FBXL2: variants seen among roughly 807,000 people sequenced by gnomAD.
FBXL2 encodes F-box/LRR-repeat protein 2.
In FBXL2, 38 loss-of-function variants were observed where a neutral mutation model predicts 69.2. The ratio of observed to expected loss-of-function variants is 0.55; its 90% CI spans 0.42 to 0.72. The LOEUF (loss-of-function observed/expected upper bound fraction) is 0.72. FBXL2 is among the 30% of genes least tolerant of loss of function. The pLI is 0.00. For missense variants in FBXL2, 354 were observed against 520.3 expected (o/e 0.68, Z 3.11); for synonymous variants, 192 against 201.3 (o/e 0.95, Z 0.39).
chr3:33,402,686 T>C (rs2044274096), intron 12 of FBXL2: 1 of 684,892 alleles, frequency 1.5e-6, no homozygotes, highest in African/African-American at 1.9e-5. Context: ...TACTTCCCCT[T>C]ACTGTTTCCT....
rs182547169 is a variant in FBXL2, at chr3:33,336,497, A to C, written c.66-22470A>C. On this transcript the variant is annotated intron_variant, in intron 2 of 14. Coordinates refer to ENST00000484457, the MANE Select transcript of FBXL2 (RefSeq NM_012157.5). ...TAAAACAGATTCTAGAAGAAAATAC[A>C]CAAGAATATCTTTATAATCTCAGGG... Among the ~76,000 whole-genome samples the C allele has an allele frequency of 2.6e-5, 4 of 152,354 alleles. No homozygotes were observed. In the East Asian group the frequency reaches 5.8e-4, roughly 22 times the overall value.
intron 12 of FBXL2, chr3:33,401,011 G>T (rs769062378): frequency 3.8e-6 from 6 of 1,591,392 alleles, no homozygotes; most frequent in East Asian, 4.6e-5. Context: ...TGGGGAAGAA[G>T]AATTGCTGGG....
the FBXL2 span, among the ~76,000 whole-genome samples, chr3:33,421,274 C>A: frequency 2.0e-5 from 3 of 146,944 alleles, no homozygotes; most frequent in African/African-American, 7.5e-5. Context: ...CAGGGAAACA[C>A]AAACACAGGT....
At chr3:33,349,039 A>G (rs973943444) in intron 2 of FBXL2, among the ~76,000 whole-genome samples, 2 of 152,190 alleles carry the variant, frequency 1.3e-5, no homozygotes, top group Admixed American at 1.3e-4. Flanking sequence ...TTTCCCAAAT[A>G]TAAGATCATA....
At chr3:33,376,413 T>TTACC (rs1425554609) in intron 10 of FBXL2, among the ~76,000 whole-genome samples, 1 of 152,210 alleles carries the variant, frequency 6.6e-6, no homozygotes, top group African/African-American at 2.4e-5. Context: ...TTTACCAATT[T>TTACC]TTCTTACTGT....
In FBXL2 at chr3:33,378,702, C is replaced by G. The variant is rs998154538; in HGVS notation, c.912C>G (p.Leu304=). ...EECILITDST[L]IQLSIHCPKL... is the part of the protein sequence containing the mutation. ...CTCTCCAGATAACCGACAGCACACT[C>G]ATCCAGCTCTCCATTCACTGTCCTA... Residue 304 remains leucine, a synonymous_variant, in exon 13 of 15, where the codon CTC becomes CTG. Transcript: ENST00000484457. 6.2e-7 allele frequency: 1 copy of G among 1,613,908 alleles called. No homozygotes were observed. Among genetic ancestry groups the G allele is most frequent in the African/African-American group, 1.3e-5 (1 of 75,048 alleles).
At chr3:33,403,061 G>T (rs1159035230) in intron 12 of FBXL2, among the ~76,000 whole-genome samples, 1 of 152,180 alleles carries the variant, frequency 6.6e-6, no homozygotes, top group Non-Finnish European at 1.5e-5. Flanking sequence ...ATTTACTTCT[G>T]TGTGGCAAAG....
intron 1 of FBXL2, among the ~76,000 whole-genome samples, chr3:33,288,227 T>G (rs1451126627): frequency 6.6e-6 from 1 of 152,252 alleles, no homozygotes; most frequent in Admixed American, 6.5e-5. Context: ...GTGCTGCCTC[T>G]ACAGCTGCGT....
chr3:33,320,979 A>ACT (rs886886047), intron 2 of FBXL2, among the ~76,000 whole-genome samples: 3 of 152,102 alleles, frequency 2.0e-5, no homozygotes, highest in African/African-American at 7.2e-5. Context: ...TTTATAAAGA[A>ACT]CTCTTACAAA....
chr3:33,416,872 A>G, the FBXL2 span: 1 of 1,495,918 alleles, frequency 6.7e-7, no homozygotes, highest in Non-Finnish European at 9.3e-7. Context: ...CAATCCTTAT[A>G]AAGAACATCA....
chr3:33,418,065 A>G, the FBXL2 span, among the ~76,000 whole-genome samples: 1 of 152,226 alleles, frequency 6.6e-6, no homozygotes, highest in South Asian at 2.1e-4. Context: ...TTGGAAGAAG[A>G]TATATGCACT....
chr3:33,333,207 T>A (rs1015948740), intron 2 of FBXL2, among the ~76,000 whole-genome samples: 3 of 152,076 alleles, frequency 2.0e-5, no homozygotes, highest in Non-Finnish European at 1.5e-5. Context: ...GCACACTTTT[T>A]AAAAAAACAA....
intron 13 of FBXL2, among the ~76,000 whole-genome samples, chr3:33,380,642 C>T (rs1470395259): frequency 6.6e-6 from 1 of 151,780 alleles, no homozygotes; most frequent in Non-Finnish European, 1.5e-5. Flanking sequence ...TCACTGTGGC[C>T]AGTTTCTGTC....
chr3:33,366,533 G>A (rs1433427875), intron 5 of FBXL2, among the ~76,000 whole-genome samples: 3 of 151,956 alleles, frequency 2.0e-5, no homozygotes, highest in Non-Finnish European at 2.9e-5. Flanking sequence ...GTGTGGTGGT[G>A]CATACCTGTA....
chr3:33,318,448 A>G lies in FBXL2; in HGVS notation c.65+20723A>G, dbSNP rs117463203. ...TTGATAAATATAGGAAGGAGAAACC[A>G]TTATTTGCTAACCTTTTGGCACTTC... On this transcript the variant is annotated intron_variant, in intron 2 of 14. Coordinates refer to ENST00000484457, the MANE Select transcript of FBXL2 (RefSeq NM_012157.5). 2.4e-4 allele frequency among the ~76,000 whole-genome samples: 36 copies of G among 152,286 alleles called. No individual in the cohort carries two copies. In the East Asian group the frequency reaches 7.0e-3, roughly 29 times the overall value.
At chr3:33,317,059 G>A (rs1028264415) in intron 2 of FBXL2, among the ~76,000 whole-genome samples, 5 of 151,950 alleles carry the variant, frequency 3.3e-5, no homozygotes, top group South Asian at 2.1e-4. Context: ...ATGCTATCAC[G>A]CCTGGCTAAT....
chr3:33,317,400 C>T (rs1286097888), intron 2 of FBXL2: 1 of 453,520 alleles, frequency 2.2e-6, no homozygotes, highest in Non-Finnish European at 4.4e-6. Context: ...ATATGCATTC[C>T]TCTCCATCAG....
chr3:33,326,713 G>GA (rs1001752944), intron 2 of FBXL2, among the ~76,000 whole-genome samples: 2 of 151,752 alleles, frequency 1.3e-5, no homozygotes, highest in Non-Finnish European at 2.9e-5. Flanking sequence ...ATGGTCTTTT[G>GA]AAAAAAAATT....
At chr3:33,399,839 G>A (rs967690027) in intron 12 of FBXL2, among the ~76,000 whole-genome samples, 26 of 152,160 alleles carry the variant, frequency 1.7e-4, no homozygotes, top group East Asian at 1.2e-3. Flanking sequence ...AGAGTACACC[G>A]AAATATCACT....
Sources: allele counts gnomAD v4.1 joint callset (sites outside exome capture counted in the v4.1 genomes callset), GRCh38; gene constraint gnomAD v4.1.1; transcripts MANE v1.5; gene names NCBI Gene and HGNC (gene_info 2026-07-23, HGNC 2026-07-21).